The following TNC variants were observed in gnomAD, a reference collection of about 807,000 sequenced individuals.
TNC encodes tenascin.
In TNC, 109 loss-of-function variants were observed where a neutral mutation model predicts 202.4. The ratio of observed to expected loss-of-function variants is 0.54; its 90% CI spans 0.46 to 0.63. The LOEUF (loss-of-function observed/expected upper bound fraction) is 0.63. Among genes scored for constraint, TNC ranks in the 30% least tolerant of loss-of-function variants. TNC has a pLI of 0.00. For synonymous variants in TNC, 1,007 were observed against 1,089.7 expected (o/e 0.92, Z 1.50); for missense variants, 2,756 against 2,833.3 (o/e 0.97, Z 0.62).
chr9:115,048,170 C>G (rs755259498), intron 16 of TNC, 90 bp downstream of exon 16: 1 of 1,474,582 alleles, frequency 6.8e-7, no homozygotes, highest in Non-Finnish European at 9.2e-7. Context: ...GGAATGTGAA[C>G]AAAGATGTTA....
chr9:115,117,112 G>A (rs908309040), intron 1 of TNC, among the ~76,000 whole-genome samples: 1 of 152,210 alleles, frequency 6.6e-6, no homozygotes, highest in African/African-American at 2.4e-5. Context: ...AGGAAGTGAT[G>A]TATCTTTCTC....
intron 16 of TNC, 38 bp from the exon 17 acceptor site, chr9:115,046,720 C>A: frequency 6.2e-7 from 1 of 1,608,080 alleles, no homozygotes. Context: ...GGAGGAAAGA[C>A]AACATCATTT....
At chr9:115,031,379 G>A (rs1033893136) in intron 23 of TNC, among the ~76,000 whole-genome samples, 174 bp downstream of exon 23, 6 of 152,170 alleles carry the variant, frequency 3.9e-5, no homozygotes, top group Admixed American at 2.6e-4. Flanking sequence ...TCCTTTCACC[G>A]GGATGCTCAT....
rs768178530 is a variant in TNC at position 115,084,392 on chromosome 9, T to C, written c.1948A>G (p.Thr650Ala). 4 of 1,614,200 alleles carry C rather than the reference T, an allele frequency of 2.5e-6. No homozygotes were observed. Among genetic ancestry groups the C allele is most frequent in the African/African-American group, 2.7e-5 (2 of 75,058 alleles). Residue 650 changes from threonine (T) to alanine (A), a missense_variant, in exon 4 of 28, where the codon ACA (threonine) becomes GCA (alanine). By Grantham distance (58) the Thr-to-Ala change is moderately conservative. Coordinates refer to ENST00000350763, the MANE Select transcript of TNC (RefSeq NM_002160.4). ...NLAWDNEMRV[T>A]EYLVVYTPTH... ...GGCGTGTACACGACAAGGTACTCTG[T>C]GACCCGCATCTCATTGTCCCAGGCC...
At chr9:115,098,721 A>C (rs780067479) in intron 1 of TNC, among the ~76,000 whole-genome samples, 5 of 152,146 alleles carry the variant, frequency 3.3e-5, no homozygotes, top group Non-Finnish European at 4.4e-5. Context: ...TTTCCACATC[A>C]TTTTGGCAAC....
At chr9:115,049,663 G>T (rs766637729) in intron 15 of TNC, among the ~76,000 whole-genome samples, 3 of 133,032 alleles carry the variant, frequency 2.3e-5, no homozygotes, top group Non-Finnish European at 4.7e-5. Flanking sequence ...TTTTCTGACA[G>T]TACTGGTAAA....
intron 15 of TNC, among the ~76,000 whole-genome samples, chr9:115,049,802 A>G (rs1449951592): frequency 6.6e-6 from 1 of 152,180 alleles, no homozygotes; most frequent in African/African-American, 2.4e-5. Context: ...TCTTGCATTA[A>G]TTCACTAATG....
At chr9:115,084,154 A>G (rs1834524216) in intron 4 of TNC, 55 bp downstream of exon 4, 2 of 1,585,020 alleles carry the variant, frequency 1.3e-6, no homozygotes, top group East Asian at 4.5e-5. Context: ...GGAGGGTTAT[A>G]CACTGGGTGG....
intron 26 of TNC, 27 bp downstream of exon 26, chr9:115,026,507 A>G (rs1030329223): frequency 1.2e-6 from 2 of 1,607,236 alleles, no homozygotes; most frequent in African/African-American, 2.7e-5. Context: ...ATGGCTTTGT[A>G]GGCTCTACGT....
Position 115,086,104 on chromosome 9 carries a change from C to T in TNC, c.1627G>A (p.Val543Met), listed in dbSNP as rs1374251995. Residue 543 changes from valine (V) to methionine (M), a missense_variant, in exon 3 of 28, where the codon GTG becomes ATG. Val to Met is a conservative substitution (Grantham distance 21). This residue lies in a region of TNC where 2,559 missense variants were observed against 2,546.0 expected (regional missense o/e 1.01). Transcript: ENST00000350763. ...PNDCHGQGRC[V>M]NGQCVCHEGF... ...TCATGGCACACGCACTGCCCATTCACACAGCGACCCTGGCCATGGCAGTCA... is the reference window on the plus strand; with the variant it reads ...TCATGGCACACGCACTGCCCATTCATACAGCGACCCTGGCCATGGCAGTCA... 6.2e-7 allele frequency: 1 copy of T among 1,613,568 alleles called. No homozygotes were observed. Among genetic ancestry groups the T allele is most frequent in the Non-Finnish European group, 8.5e-7 (1 of 1,179,564 alleles).
At position 115,060,551 on chromosome 9, in the gene TNC, C is replaced by T. The variant is rs187726131; in HGVS notation, c.4034-549G>A. Among the ~76,000 whole-genome samples, 10 of 152,254 alleles carry T rather than the reference C, an allele frequency of 6.6e-5. 1 individual carries two copies. The highest frequency in any genetic ancestry group is 2.2e-4 in the African/African-American group (9 of 41,538). On this transcript the variant is annotated intron_variant, in intron 13 of 27. Transcript: ENST00000350763. ...TCTTAGTATCATACCTGATACATGG[C>T]GAGTGCCCAATAAGTGTCAGCTTAA...
In TNC at chr9:115,020,932, A is replaced by C; in HGVS notation, c.*225T>G. ...GGAGATTTTTGCTGAATCAAACAAC[A>C]AAACAGAAACATGTTGGAGACTGAT... is the stretch of plus-strand genomic sequence containing the variant. On this transcript the variant is annotated 3_prime_UTR_variant, in exon 28 of 28. Transcript: ENST00000350763. 1 of 513,154 alleles carries C rather than the reference A, an allele frequency of 1.9e-6. No homozygotes were observed. Among genetic ancestry groups the C allele is most frequent in the East Asian group, 3.2e-5 (1 of 31,694 alleles). The allele number at this position is 513,154 out of a possible 1,614,324, so 31.8% of individuals were successfully genotyped here. A position where few individuals can be genotyped will look rare whatever the true frequency, so the allele number is the denominator to read the frequency against.
At chr9:115,088,695 A>G (rs1401771262) in intron 2 of TNC, among the ~76,000 whole-genome samples, 1 of 151,892 alleles carries the variant, frequency 6.6e-6, no homozygotes, top group Non-Finnish European at 1.5e-5. Context: ...GGAAGAAAGA[A>G]TTTTTTAAAA....
chr9:115,086,191 C>G lies in TNC; in HGVS notation c.1540G>C (p.Gly514Arg), dbSNP rs189249722. 2 of 1,614,182 alleles carry G rather than the reference C, an allele frequency of 1.2e-6. No individual in the cohort carries two copies. The highest frequency in any genetic ancestry group is 3.3e-5 in the Admixed American group (2 of 60,036). ...AAGCCGTCCTCACAGACGCACTGTC[C>G]GTCCACACAGAGGCCCCTGTTGCTG... ...DCSNRGLCVD[G>R]QCVCEDGFTG... Residue 514 changes from glycine to arginine, a missense_variant, in exon 3 of 28, where the codon GGA (glycine) becomes CGA (arginine). Gly to Arg is a moderately radical substitution (Grantham distance 125). Transcript: ENST00000350763.
At chr9:115,074,565 T>C (rs1833700457) in intron 9 of TNC, among the ~76,000 whole-genome samples, 1 of 152,222 alleles carries the variant, frequency 6.6e-6, no homozygotes, top group Admixed American at 6.5e-5. Flanking sequence ...GTAACTCAAA[T>C]GGACTAATAT....
rs12237586 is a variant in TNC at position 115,111,401 on chromosome 9, T to C, written c.-137+6581A>G. On this transcript the variant is annotated intron_variant, in intron 1 of 27. Transcript: ENST00000350763. ...TTATAGACTTTCTCTCTCTCTCTCT[T>C]TTTTTTTTTTTTTTTTTTTTTTTTG... Among the ~76,000 whole-genome samples, 86 of 36,368 alleles carry C rather than the reference T, an allele frequency of 2.4e-3. 1 individual carries two copies. The highest frequency in any genetic ancestry group is 0.023 in the East Asian group (13 of 558). The allele number at this position is 36,368 out of a possible 152,430, so 23.9% of individuals were successfully genotyped here.
intron 1 of TNC, among the ~76,000 whole-genome samples, chr9:115,095,696 A>ATATATATGTATATATATG (rs1835736460): frequency 7.3e-6 from 1 of 136,214 alleles, no homozygotes; most frequent in African/African-American, 2.8e-5. Flanking sequence ...ATATATATGT[A>ATATATATGTATATATATG]TATATATGTA....
rs760556226 is a variant in TNC at position 115,081,897 on chromosome 9, C to G, written c.2279G>C (p.Ser760Thr). The change falls in exon 6 of 28, where the codon AGC becomes ACC. Residue 760 changes from serine to threonine, a missense_variant. Ser to Thr is a moderately conservative substitution (Grantham distance 58). Around this residue, in one of 2 missense-constraint regions of TNC, gnomAD observed 2,559 missense variants for 2,546.0 expected, o/e 1.01. Transcript: ENST00000350763. Reference protein sequence around the residue: ...NKEDEGEITKSLRRPETSYRQ... With the variant: ...NKEDEGEITKTLRRPETSYRQ... ...GTAAGAGGTCTCTGGCCTCCTCAGG[C>G]TTTTGGTGATCTCTCCCTCATCTTC... 6.3e-7 allele frequency: 1 copy of G among 1,594,584 alleles called. No homozygotes were observed. The highest frequency in any genetic ancestry group is 8.5e-7 in the Non-Finnish European group (1 of 1,175,184).
intron 22 of TNC, among the ~76,000 whole-genome samples, chr9:115,032,024 G>A (rs913143743): frequency 6.6e-6 from 1 of 152,226 alleles, no homozygotes; most frequent in Non-Finnish European, 1.5e-5. Context: ...ACTATATTGG[G>A]AGAATGGGAT....
Sources: allele counts gnomAD v4.1 joint callset (sites outside exome capture counted in the v4.1 genomes callset), GRCh38; gene constraint gnomAD v4.1.1; regional missense constraint gnomAD v4.1.1; transcripts MANE v1.5; gene names NCBI Gene and HGNC (gene_info 2026-07-23, HGNC 2026-07-21).